The following PPFIA1 variants were observed in gnomAD, a reference collection of about 807,000 sequenced individuals.
PPFIA1 encodes liprin-alpha-1.
A neutral mutation model predicts 149.9 loss-of-function variants in PPFIA1; 25 were observed. The ratio of observed to expected loss-of-function variants is 0.17; its 90% CI spans 0.12 to 0.23. The LOEUF is 0.23. Ranked by LOEUF, PPFIA1 falls within the 10% of genes least tolerant of loss-of-function variation. PPFIA1 has a pLI of 1.00. For synonymous variants in PPFIA1, 549 were observed against 552.8 expected (o/e 0.99, Z 0.10); for missense variants, 1,362 against 1,506.5 (o/e 0.90, Z 1.59).
intron 2 of PPFIA1, among the ~76,000 whole-genome samples, chr11:70,303,667 G>C (rs2052645105): frequency 1.3e-5 from 2 of 152,188 alleles, no homozygotes; most frequent in African/African-American, 4.8e-5. Flanking sequence ...GTGCTGATCA[G>C]GTGACTGGTG....
In PPFIA1 at chr11:70,368,265, G is replaced by T. The variant is rs182940518; in HGVS notation, c.2866-3950G>T. ...GCATATTTCTCTCTTTTTAGAGAAG[G>T]TAGTGAAGCATTTTTTTCTAGTAGA... On this transcript the variant is annotated intron_variant, in intron 21 of 27. Coordinates refer to ENST00000253925, the MANE Select transcript of PPFIA1 (RefSeq NM_003626.5). 1.6e-4 allele frequency among the ~76,000 whole-genome samples: 24 copies of T among 152,314 alleles called. No homozygotes were observed. In the East Asian group the frequency reaches 3.9e-3, roughly 24 times the overall value.
chr11:70,332,087 T>C lies in PPFIA1; in HGVS notation c.1205T>C (p.Leu402Pro), dbSNP rs1222713115. 1 of 1,602,364 alleles carries C rather than the reference T, an allele frequency of 6.2e-7. No homozygotes were observed. Among genetic ancestry groups the C allele is most frequent in the Non-Finnish European group, 8.5e-7 (1 of 1,175,746 alleles). ...EAELAQRVAA[L>P]SKAEERHGNI... is the part of the protein sequence containing the mutation. Reference sequence around the variant, plus strand: ...GAGCTGGCCCAGAGGGTGGCAGCGCTTTCCAAGGTAGTGCCATGAGCTTCA... The same window carrying C: ...GAGCTGGCCCAGAGGGTGGCAGCGCCTTCCAAGGTAGTGCCATGAGCTTCA... The change falls in exon 9 of 28, where the codon CTT becomes CCT. Residue 402 changes from leucine (L) to proline (P), a missense_variant. Physicochemically the swap from Leu to Pro is moderately conservative, Grantham distance 98 (BLOSUM62 -3). This residue lies in a region of PPFIA1 where 733 missense variants were observed against 744.1 expected (regional missense o/e 0.99). Coordinates refer to ENST00000253925, the MANE Select transcript of PPFIA1 (RefSeq NM_003626.5).
At chr11:70,313,502 A>G (rs539109902) in intron 2 of PPFIA1, among the ~76,000 whole-genome samples, 2 of 152,250 alleles carry the variant, frequency 1.3e-5, no homozygotes, top group East Asian at 3.9e-4. Flanking sequence ...GACCAAGGAG[A>G]CACAGTGGCT....
At chr11:70,302,502 AG>A (rs759761444) in intron 2 of PPFIA1, among the ~76,000 whole-genome samples, 47 of 152,210 alleles carry the variant, frequency 3.1e-4, no homozygotes, top group Admixed American at 1.1e-3. Flanking sequence ...AGCTGGAGAC[AG>A]GGCACTTGAG....
At chr11:70,285,346 G>C (rs1372640071) in intron 2 of PPFIA1, among the ~76,000 whole-genome samples, 1 of 152,104 alleles carries the variant, frequency 6.6e-6, no homozygotes, top group Non-Finnish European at 1.5e-5. Flanking sequence ...GGTTAGAGTA[G>C]AGCCACTTCA....
intron 2 of PPFIA1, among the ~76,000 whole-genome samples, chr11:70,289,508 A>G (rs2051382884): frequency 6.6e-6 from 1 of 152,190 alleles, no homozygotes; most frequent in Non-Finnish European, 1.5e-5. Context: ...AACCCTTCGA[A>G]TGAAGTTTAG....
At chr11:70,352,095 C>A (rs1325018590) in intron 16 of PPFIA1, among the ~76,000 whole-genome samples, 1 of 152,174 alleles carries the variant, frequency 6.6e-6, no homozygotes, top group Admixed American at 6.5e-5. Flanking sequence ...TTCAGAGATA[C>A]CTAAAGGCAG....
chr11:70,279,905 A>ATGTGTGTGTGTGTGTGTG lies in PPFIA1; in HGVS notation c.264+7482_264+7483insGTGTGTGTGTGTGTGTGT, dbSNP rs759392357. 1.0e-3 allele frequency among the ~76,000 whole-genome samples: 149 copies of ATGTGTGTGTGTGTGTGTG among 144,970 alleles called. 1 individual carries two copies. The highest frequency in any genetic ancestry group is 3.7e-3 in the African/African-American group (139 of 37,676). The stretch of plus-strand genomic sequence containing the variant: ...TGTCCGGCCTGTGTGTGTGTGGGGG[A>ATGTGTGTGTGTGTGTGTG]TGTGTGTGTGTGTATATTTTTGGGA... On this transcript the variant is annotated intron_variant, in intron 2 of 27. Coordinates refer to ENST00000253925, the MANE Select transcript of PPFIA1 (RefSeq NM_003626.5).
intron 21 of PPFIA1, among the ~76,000 whole-genome samples, chr11:70,369,126 G>C (rs577146061): frequency 6.6e-6 from 1 of 152,148 alleles, no homozygotes; most frequent in Admixed American, 6.5e-5. Context: ...GTTCACTGTA[G>C]GGTTTTTGTA....
intron 2 of PPFIA1, among the ~76,000 whole-genome samples, chr11:70,278,017 T>G (rs190431325): frequency 6.6e-6 from 1 of 152,196 alleles, no homozygotes; most frequent in African/African-American, 2.4e-5. Flanking sequence ...TTCAAGCAAT[T>G]CTCCTGCCTC....
At chr11:70,339,445 A>T (rs1053287416) in intron 14 of PPFIA1, 139 bp downstream of exon 14, 1 of 1,095,640 alleles carries the variant, frequency 9.1e-7, no homozygotes, top group African/African-American at 1.6e-5. Flanking sequence ...TCTGACTAAG[A>T]GTTTAGCTTT....
intron 2 of PPFIA1, among the ~76,000 whole-genome samples, chr11:70,295,518 C>A (rs1207957198): frequency 7.0e-6 from 1 of 142,990 alleles, no homozygotes; most frequent in Non-Finnish European, 1.6e-5. Flanking sequence ...GCTGACCCCC[C>A]CCACCTCCCT....
chr11:70,311,892 G>C (rs1440955789), intron 2 of PPFIA1, among the ~76,000 whole-genome samples: 4 of 137,600 alleles, frequency 2.9e-5, no homozygotes, highest in Non-Finnish European at 6.0e-5. Flanking sequence ...CACCCAGGCT[G>C]GAATAGAGTG....
chr11:70,351,679 TC>T (rs1302047592), intron 16 of PPFIA1, among the ~76,000 whole-genome samples: 1 of 152,172 alleles, frequency 6.6e-6, no homozygotes, highest in Non-Finnish European at 1.5e-5. Flanking sequence ...CCGTATTTAA[TC>T]CCCATACACA....
chr11:70,290,243 T>A, intron 2 of PPFIA1, among the ~76,000 whole-genome samples: 1 of 152,026 alleles, frequency 6.6e-6, no homozygotes, highest in East Asian at 1.9e-4. Flanking sequence ...AAAAAAAGTT[T>A]ATTATTTTTC....
intron 2 of PPFIA1, among the ~76,000 whole-genome samples, chr11:70,296,775 G>A (rs1292438872): frequency 2.0e-5 from 3 of 148,752 alleles, no homozygotes; most frequent in African/African-American, 2.5e-5. Flanking sequence ...GAGGGAGGGA[G>A]AGGGAGAGGA....
At position 70,285,324 on chromosome 11, in the gene PPFIA1, G is replaced by A. The variant is rs189243163; in HGVS notation, c.264+12888G>A. ...GGATGGAGGGAAGAATGGACCTAGG[G>A]TGGAAACCACTGGTTAGAGTAGAGC... On this transcript the variant is annotated intron_variant, in intron 2 of 27. Coordinates refer to ENST00000253925, the MANE Select transcript of PPFIA1 (RefSeq NM_003626.5). 1.2e-3 allele frequency among the ~76,000 whole-genome samples: 182 copies of A among 152,230 alleles called. 1 individual carries two copies. Among genetic ancestry groups the A allele is most frequent in the African/African-American group, 4.0e-3 (167 of 41,544 alleles).
chr11:70,318,671 AG>A (rs1300094954), intron 2 of PPFIA1, among the ~76,000 whole-genome samples: 8 of 152,188 alleles, frequency 5.3e-5, no homozygotes, highest in Non-Finnish European at 1.0e-4. Context: ...CAGTCCAGTG[AG>A]GGTTTTGACC....
intron 16 of PPFIA1, among the ~76,000 whole-genome samples, chr11:70,350,639 T>A (rs1399873568): frequency 1.3e-5 from 2 of 152,200 alleles, no homozygotes; most frequent in African/African-American, 4.8e-5. Flanking sequence ...TCCGTTGGAA[T>A]ATTTTTAATT....
Sources: allele counts gnomAD v4.1 joint callset (sites outside exome capture counted in the v4.1 genomes callset), GRCh38; gene constraint gnomAD v4.1.1; regional missense constraint gnomAD v4.1.1; transcripts MANE v1.5; gene names NCBI Gene and HGNC (gene_info 2026-07-23, HGNC 2026-07-21).